Variants in PAM observed in about 807,000 individuals in gnomAD.
PAM encodes peptidyl-glycine alpha-amidating monooxygenase.
In PAM, 72 loss-of-function variants were observed where a neutral mutation model predicts 122.1. The ratio of observed to expected loss-of-function variants is 0.59; its 90% confidence interval spans 0.49 to 0.72. The LOEUF (loss-of-function observed/expected upper bound fraction) is 0.72, where lower values mean the gene tolerates loss of function less well. Ranked by LOEUF, PAM falls within the 30% of genes least tolerant of loss-of-function variation. PAM has a pLI of 0.00. For missense variants in PAM, 1,106 were observed against 1,183.7 expected, an observed-to-expected ratio of 0.93 and a Z score of 0.96; for synonymous variants, 389 against 404.4, an observed-to-expected ratio of 0.96 and a Z score of 0.46.
At chr5:103,017,312 G>C (rs1782306759) in intron 21 of PAM, 22 bp from the exon 22 acceptor site, 1 of 1,447,300 alleles carries the variant, frequency 6.9e-7, no homozygotes, top group Middle Eastern at 1.7e-4. Context: ...CCACTCTAAT[G>C]TGTAGCTTCT....
At chr5:102,807,290 T>C (rs1222872575) in intron 1 of PAM, among the ~76,000 whole-genome samples, 3 of 152,266 alleles carry the variant, frequency 2.0e-5, no homozygotes, top group African/African-American at 7.2e-5. Flanking sequence ...CTTGGTTTGA[T>C]GTTGAAACAT....
At chr5:103,026,607 T>C (rs1274350750) in intron 24 of PAM, among the ~76,000 whole-genome samples, 1 of 152,194 alleles carries the variant, frequency 6.6e-6, no homozygotes, top group Non-Finnish European at 1.5e-5. Context: ...TGGTGTTATA[T>C]AGATGCTTCA....
At chr5:102,950,659 T>C in intron 11 of PAM, 58 bp from the exon 12 acceptor site, 1 of 1,020,578 alleles carries the variant, frequency 9.8e-7, no homozygotes, top group South Asian at 1.3e-5. Context: ...CAGTCAAACA[T>C]GTAGTTCTGG....
At chr5:102,976,227 C>G (rs1416445997) in intron 15 of PAM, among the ~76,000 whole-genome samples, 1 of 152,120 alleles carries the variant, frequency 6.6e-6, no homozygotes, top group Non-Finnish European at 1.5e-5. Context: ...ATTACAAAAA[C>G]TTTTAAAAAA....
intron 3 of PAM, among the ~76,000 whole-genome samples, chr5:102,892,437 A>G (rs984544072): frequency 1.3e-5 from 2 of 151,804 alleles, no homozygotes; most frequent in African/African-American, 2.4e-5. Flanking sequence ...GTCTTCTGCA[A>G]TTTGCAGCCA....
intron 1 of PAM, among the ~76,000 whole-genome samples, chr5:102,804,949 A>G (rs371870834): frequency 1.1e-3 from 165 of 152,250 alleles, no homozygotes; most frequent in Non-Finnish European, 2.0e-3. Flanking sequence ...CTAAACATCA[A>G]TTTAAGGTGG....
chr5:102,889,111 A>G (rs1794021478), intron 3 of PAM, among the ~76,000 whole-genome samples: 1 of 151,980 alleles, frequency 6.6e-6, no homozygotes, highest in Admixed American at 6.6e-5. Context: ...TGTGCTGGAT[A>G]TTCTCCACTG....
At chr5:102,981,186 A>G (rs1302866026) in intron 15 of PAM, among the ~76,000 whole-genome samples, 2 of 152,242 alleles carry the variant, frequency 1.3e-5, no homozygotes. Context: ...GATCATTCAT[A>G]GCCAGATTAA....
At chr5:102,903,098 C>A (rs1410830702) in intron 4 of PAM, among the ~76,000 whole-genome samples, 1 of 151,582 alleles carries the variant, frequency 6.6e-6, no homozygotes, top group African/African-American at 2.4e-5. Flanking sequence ...TTCATACTTT[C>A]TTAGGCACTT....
intron 1 of PAM, among the ~76,000 whole-genome samples, chr5:102,777,544 G>C (rs1019319548): frequency 1.3e-5 from 2 of 152,036 alleles, no homozygotes; most frequent in Non-Finnish European, 1.5e-5. Flanking sequence ...GGAAAAAAAA[G>C]ACCTAATTGT....
intron 3 of PAM, among the ~76,000 whole-genome samples, chr5:102,886,666 T>G (rs895776501): frequency 6.6e-5 from 10 of 152,060 alleles, no homozygotes; most frequent in Non-Finnish European, 1.3e-4. Flanking sequence ...ATTATAGTGA[T>G]TATTTTTTAT....
intron 17 of PAM, 127 bp from the exon 18 acceptor site, chr5:103,005,027 T>C (rs1299291496): frequency 1.6e-6 from 1 of 613,880 alleles, no homozygotes; most frequent in Admixed American, 2.8e-5. Context: ...TTCTTTTCTA[T>C]AATAATGCAA....
chr5:102,962,583 G>T (rs891316987), intron 14 of PAM, among the ~76,000 whole-genome samples: 1 of 151,760 alleles, frequency 6.6e-6, no homozygotes, highest in East Asian at 1.9e-4. Flanking sequence ...TTATAAAATG[G>T]TATGTTTCTA....
chr5:102,765,564 A>G (rs1249407410), intron 1 of PAM, among the ~76,000 whole-genome samples: 1 of 152,180 alleles, frequency 6.6e-6, no homozygotes, highest in Non-Finnish European at 1.5e-5. Flanking sequence ...GGCCGACTTC[A>G]TCTACAACCT....
At chr5:103,000,719 A>G (rs1777117900) in intron 16 of PAM, among the ~76,000 whole-genome samples, 1 of 152,136 alleles carries the variant, frequency 6.6e-6, no homozygotes, top group African/African-American at 2.4e-5. Context: ...TCTTCACATG[A>G]TGGCAAGAAG....
chr5:102,961,168 T>C lies in PAM; in HGVS notation c.1101T>C (p.Tyr367=). 1 of 1,554,608 alleles carries C rather than the reference T, an allele frequency of 6.4e-7. No homozygotes were observed. The highest frequency in any genetic ancestry group is 1.1e-5 in the South Asian group (1 of 89,830). Residue 367 remains tyrosine, a synonymous_variant, in exon 14 of 26, where the codon TAT becomes TAC. Transcript: ENST00000438793. ...MMHEHHKETE[Y]KDKIPLLQQP... ...TTTGATCCTTTACAGAAACAGAATA[T>C]AAAGATAAGATTCCTTTACTACAGC... is the stretch of plus-strand genomic sequence containing the variant.
In PAM at chr5:102,850,811, C is replaced by CA. The variant is rs1360483363; in HGVS notation, c.-373-15006dup. On this transcript the variant is annotated intron_variant, in intron 1 of 25. Transcript: ENST00000438793. ...TCTTTACAGCTCATACAACGCCCTG[C>CA]AAAAAACCAGATATCTGGGAAATTC... Among the ~76,000 whole-genome samples, 5 of 151,992 alleles carry CA rather than the reference C, an allele frequency of 3.3e-5. No individual in the cohort carries two copies. The East Asian group carries it at 5.8e-4, about 18-fold the overall frequency.
At chr5:102,953,935 C>T (rs1759836375) in intron 12 of PAM, among the ~76,000 whole-genome samples, 1 of 152,078 alleles carries the variant, frequency 6.6e-6, no homozygotes, top group South Asian at 2.1e-4. Flanking sequence ...ATCGCTTGAA[C>T]CTGGAAGGAA....
chr5:102,971,067 A>T (rs950147802), intron 14 of PAM, among the ~76,000 whole-genome samples: 1 of 152,150 alleles, frequency 6.6e-6, no homozygotes, highest in African/African-American at 2.4e-5. Flanking sequence ...TTGGCTTCCC[A>T]GTGCTGGGAT....
Sources: allele counts gnomAD v4.1 joint callset (sites outside exome capture counted in the v4.1 genomes callset), GRCh38; gene constraint gnomAD v4.1.1; transcripts MANE v1.5; gene names NCBI Gene and HGNC (gene_info 2026-07-23, HGNC 2026-07-21).